The following TMEM64 variants were observed in gnomAD, a reference collection of about 807,000 sequenced individuals.
TMEM64 encodes transmembrane protein 64.
TMEM64 carries 19 observed loss-of-function variants against 24.5 expected under a neutral mutation model. That is an observed-to-expected ratio of 0.78 (90% CI 0.54 to 1.14). TMEM64 has a LOEUF of 1.14. Among genes scored for constraint, TMEM64 ranks in the 50% most tolerant of loss-of-function variants. TMEM64 has a pLI of 0.00. For missense variants in TMEM64, 487 were observed against 493.0 expected (o/e 0.99, Z 0.12); for synonymous variants, 262 against 224.7 (o/e 1.17, Z -1.49).
At chr8:90,630,037 C>T (rs1051689470) in intron 2 of TMEM64, among the ~76,000 whole-genome samples, 1 of 152,066 alleles carries the variant, frequency 6.6e-6, no homozygotes, top group African/African-American at 2.4e-5. Context: ...TAAGTTAAAA[C>T]TAACAAGTTA....
At chr8:90,634,700 AG>A (rs1809489125) in intron 1 of TMEM64, among the ~76,000 whole-genome samples, 1 of 152,126 alleles carries the variant, frequency 6.6e-6, no homozygotes, top group South Asian at 2.1e-4. Flanking sequence ...ATTTCTTGTT[AG>A]TTTATTTCTA....
chr8:90,628,354 A>G (rs2130496074), intron 2 of TMEM64, among the ~76,000 whole-genome samples: 1 of 152,294 alleles, frequency 6.6e-6, no homozygotes, highest in South Asian at 2.1e-4. Context: ...TTTTTCTGTT[A>G]AGCAAGAGAG....
chr8:90,628,825 A>T (rs1195058551), intron 2 of TMEM64, among the ~76,000 whole-genome samples: 1 of 152,214 alleles, frequency 6.6e-6, no homozygotes, highest in Non-Finnish European at 1.5e-5. Context: ...GATTCCAGAC[A>T]TTTGGATTAG....
At chr8:90,636,854 C>T (rs374931598) in intron 1 of TMEM64, among the ~76,000 whole-genome samples, 1 of 152,126 alleles carries the variant, frequency 6.6e-6, no homozygotes, top group East Asian at 1.9e-4. Context: ...CCTAGGATAT[C>T]GATGCTATCT....
rs559697200 is a variant in TMEM64, at chr8:90,625,214, A to C, written c.*457T>G. 1 of 152,540 alleles carries C rather than the reference A, an allele frequency of 6.6e-6. No individual in the cohort carries two copies. The highest frequency in any genetic ancestry group is 1.9e-4 in the East Asian group (1 of 5,190). 9.4% of individuals were successfully genotyped at this position (152,540 alleles called of 1,614,324 possible). A position where few individuals can be genotyped will look rare whatever the true frequency, so the allele number is the denominator to read the frequency against. ...AACAATAAAACAAAACAAAACAAAA[A>C]CCACTGTTTATCCTTTCTGGAAAGA... On this transcript the variant is annotated 3_prime_UTR_variant, in exon 3 of 3. Transcript: ENST00000458549.
intron 2 of TMEM64, among the ~76,000 whole-genome samples, chr8:90,628,103 C>T (rs1043873420): frequency 6.6e-6 from 1 of 152,158 alleles, no homozygotes; most frequent in Admixed American, 6.5e-5. Flanking sequence ...TCTTCCTTAG[C>T]TGAGTGAAGT....
chr8:90,636,933 T>G (rs1809527062), intron 1 of TMEM64, among the ~76,000 whole-genome samples: 1 of 152,224 alleles, frequency 6.6e-6, no homozygotes, highest in African/African-American at 2.4e-5. Context: ...AACTGATTGC[T>G]GTCATCTCAT....
Position 90,645,074 on chromosome 8 carries a change from G to C in TMEM64, c.795+37C>G, listed in dbSNP as rs370671668. On this transcript the variant is annotated intron_variant, in intron 1 of 2. Coordinates refer to ENST00000458549, the MANE Select transcript of TMEM64 (RefSeq NM_001008495.4). The surrounding 1 kb of genome is among the most constrained non-coding windows in gnomAD (Gnocchi z 4.2). ...GCCGCCACAAGACCGCTCAAAAACAGACTTGGAGAGGGATAGGCCAGCGGG... is the reference window on the plus strand; with the variant it reads ...GCCGCCACAAGACCGCTCAAAAACACACTTGGAGAGGGATAGGCCAGCGGG... The C allele has an allele frequency of 2.5e-5, 40 of 1,569,016 alleles. No homozygotes were observed. Among genetic ancestry groups the C allele is most frequent in the Non-Finnish European group, 3.3e-5 (38 of 1,152,836 alleles).
At chr8:90,628,721 T>A (rs1438786272) in intron 2 of TMEM64, among the ~76,000 whole-genome samples, 1 of 152,166 alleles carries the variant, frequency 6.6e-6, no homozygotes, top group Non-Finnish European at 1.5e-5. Flanking sequence ...GTTTGAGCAT[T>A]CCTAACCCAG....
intron 2 of TMEM64, among the ~76,000 whole-genome samples, chr8:90,628,272 G>C (rs887715849): frequency 6.6e-6 from 1 of 152,204 alleles, no homozygotes; most frequent in Non-Finnish European, 1.5e-5. Flanking sequence ...AAGCTAAGCA[G>C]GGGCAGGAAC....
chr8:90,635,998 C>T (rs1809512166), intron 1 of TMEM64, among the ~76,000 whole-genome samples: 1 of 152,222 alleles, frequency 6.6e-6, no homozygotes. Flanking sequence ...AACTCCACCA[C>T]TCAACTCAAC....
At chr8:90,644,190 T>A (rs1398171407) in intron 1 of TMEM64, among the ~76,000 whole-genome samples, 1 of 152,212 alleles carries the variant, frequency 6.6e-6, no homozygotes, top group African/African-American at 2.4e-5. Context: ...TAGTTTAGAA[T>A]CACTGAATTT....
chr8:90,625,458 G>A lies in TMEM64; in HGVS notation c.*213C>T. ...CAGACCTATAGGCCAATACAGGCAT[G>A]ATAAAGAGGTGCAGCCAAATTTGCA... On this transcript the variant is annotated 3_prime_UTR_variant, in exon 3 of 3. Transcript: ENST00000458549. 2.1e-6 allele frequency: 1 copy of A among 484,812 alleles called. No homozygotes were observed. The allele number at this position is 484,812 out of a possible 1,614,324, so 30.0% of individuals were successfully genotyped here. A position where few individuals can be genotyped will look rare whatever the true frequency, so the allele number is the denominator to read the frequency against.
At position 90,639,493 on chromosome 8, in the gene TMEM64, A is replaced by G. The variant is rs1809570598; in HGVS notation, c.795+5618T>C. Among the ~76,000 whole-genome samples the G allele has an allele frequency of 2.0e-5, 3 of 152,300 alleles. No homozygotes were observed. In the South Asian group the frequency reaches 6.2e-4, roughly 32 times the overall value. ...AAAGCTTTTCTTCATACAGTCTGAC[A>G]TACTATAGGTTTATTATTTGTACTA... On this transcript the variant is annotated intron_variant, in intron 1 of 2. Coordinates refer to ENST00000458549, the MANE Select transcript of TMEM64 (RefSeq NM_001008495.4).
intron 2 of TMEM64, among the ~76,000 whole-genome samples, chr8:90,627,587 T>C (rs563455580): frequency 3.2e-4 from 49 of 152,122 alleles, no homozygotes; most frequent in Non-Finnish European, 6.3e-4. Flanking sequence ...TCTGAAGCTA[T>C]GGAAAGAGGG....
chr8:90,643,545 A>T (rs999063562), intron 1 of TMEM64, among the ~76,000 whole-genome samples: 2 of 152,164 alleles, frequency 1.3e-5, no homozygotes, highest in African/African-American at 4.8e-5. Flanking sequence ...TGGTTTAAGG[A>T]TCAGAAATAT....
intron 1 of TMEM64, among the ~76,000 whole-genome samples, chr8:90,637,357 A>G (rs1437349037): frequency 6.6e-6 from 1 of 152,150 alleles, no homozygotes; most frequent in African/African-American, 2.4e-5. Flanking sequence ...CTTTGATTTA[A>G]CCCACCCAGA....
chr8:90,629,170 T>C (rs1353865433), intron 2 of TMEM64, among the ~76,000 whole-genome samples: 4 of 152,216 alleles, frequency 2.6e-5, no homozygotes, highest in Non-Finnish European at 5.9e-5. Context: ...CTGTAACTAA[T>C]ATCAATTAAA....
At chr8:90,626,319 G>T (rs1809358522) in intron 2 of TMEM64, among the ~76,000 whole-genome samples, 1 of 152,136 alleles carries the variant, frequency 6.6e-6, no homozygotes, top group African/African-American at 2.4e-5. Context: ...GAACTACCTG[G>T]TGAAGACAAA....
Sources: allele counts gnomAD v4.1 joint callset (sites outside exome capture counted in the v4.1 genomes callset), GRCh38; gene constraint gnomAD v4.1.1; non-coding constraint Gnocchi (gnomAD v3.1); transcripts MANE v1.5; gene names NCBI Gene and HGNC (gene_info 2026-07-23, HGNC 2026-07-21).